The following CHODL variants were observed in gnomAD, a reference collection of about 807,000 sequenced individuals.
CHODL encodes the protein transmembrane protein MT75.
Under a neutral mutation model 34.5 loss-of-function variants are expected in CHODL, and 29 were observed. That is an observed-to-expected ratio of 0.84 (90% CI 0.63 to 1.15). The LOEUF (loss-of-function observed/expected upper bound fraction) is 1.15, where lower values mean the gene tolerates loss of function less well. Among genes scored for constraint, CHODL ranks in the 50% most tolerant of loss-of-function variants. CHODL has a pLI of 0.00. For synonymous variants in CHODL, 125 were observed against 116.1 expected (o/e 1.08, Z -0.49); for missense variants, 332 against 332.5 (o/e 1.00, Z 0.01).
At chr21:18,260,860 CCAA>C (rs926813464) in intron 4 of CHODL, among the ~76,000 whole-genome samples, 66 of 151,972 alleles carry the variant, frequency 4.3e-4, no homozygotes, top group African/African-American at 1.4e-3. Flanking sequence ...AAAAACACCA[CCAA>C]CAACAACAAA....
intron 2 of CHODL, among the ~76,000 whole-genome samples, chr21:18,225,197 T>A (rs2073920081): frequency 6.6e-6 from 1 of 152,162 alleles, no homozygotes; most frequent in Non-Finnish European, 1.5e-5. Context: ...GCCGTTATCA[T>A]GAATGTAGTA....
At chr21:17,956,702 G>A (rs2063496007) in intron 1 of CHODL, among the ~76,000 whole-genome samples, 1 of 136,066 alleles carries the variant, frequency 7.3e-6, no homozygotes, top group African/African-American at 2.5e-5. Context: ...GTTTTCATAT[G>A]GCAGAAGGGG....
At chr21:18,029,672 G>C (rs960285657) in intron 2 of CHODL, among the ~76,000 whole-genome samples, 1 of 152,036 alleles carries the variant, frequency 6.6e-6, no homozygotes, top group Non-Finnish European at 1.5e-5. Flanking sequence ...ATCTCAGGGA[G>C]GCTCCACTTC....
At chr21:18,100,160 A>G (rs1255682615) in intron 2 of CHODL, 1 of 152,200 alleles carries the variant, frequency 6.6e-6, no homozygotes, top group Non-Finnish European at 1.5e-5. Flanking sequence ...ATATTTACAT[A>G]GTTTAAATAA....
chr21:17,938,393 G>T (rs200681271), intron 1 of CHODL, among the ~76,000 whole-genome samples: 4 of 143,660 alleles, frequency 2.8e-5, no homozygotes, highest in South Asian at 4.4e-4. Flanking sequence ...CATATATATA[G>T]ATATATATAT....
At chr21:18,104,464 C>T (rs1249592757) in intron 2 of CHODL, among the ~76,000 whole-genome samples, 3 of 152,158 alleles carry the variant, frequency 2.0e-5, no homozygotes, top group African/African-American at 7.2e-5. Context: ...AAGTGTGAGT[C>T]AATTAAACCT....
chr21:17,940,826 T>C (rs79879694), intron 1 of CHODL, among the ~76,000 whole-genome samples: 1 of 152,316 alleles, frequency 6.6e-6, no homozygotes, highest in African/African-American at 2.4e-5. Flanking sequence ...TCATCCCCTC[T>C]ATGAGCACAC....
chr21:18,024,274 C>T (rs1180331761), intron 1 of CHODL, among the ~76,000 whole-genome samples: 1 of 152,142 alleles, frequency 6.6e-6, no homozygotes, highest in Non-Finnish European at 1.5e-5. Context: ...TTTGCCTATA[C>T]ACTACTGGTA....
intron 2 of CHODL, among the ~76,000 whole-genome samples, chr21:18,069,464 C>A (rs1321611268): frequency 1.3e-5 from 2 of 151,414 alleles, no homozygotes; most frequent in Non-Finnish European, 2.9e-5. Context: ...TTTTATAGTC[C>A]ATTGATTGAG....
At chr21:18,166,561 C>T (rs1313683714) in intron 2 of CHODL, among the ~76,000 whole-genome samples, 1 of 152,128 alleles carries the variant, frequency 6.6e-6, no homozygotes, top group Non-Finnish European at 1.5e-5. Flanking sequence ...AACATTTCTC[C>T]ATTAAACAAT....
intron 2 of CHODL, among the ~76,000 whole-genome samples, chr21:18,074,367 A>G (rs1246219641): frequency 6.6e-6 from 1 of 152,184 alleles, no homozygotes; most frequent in Non-Finnish European, 1.5e-5. Context: ...CACTCTAAGA[A>G]TTTCTAAATT....
At chr21:17,997,824 C>T (rs1027965429) in intron 1 of CHODL, among the ~76,000 whole-genome samples, 3 of 152,082 alleles carry the variant, frequency 2.0e-5, no homozygotes, top group South Asian at 2.1e-4. Flanking sequence ...TCCCACAACA[C>T]GTGGGAATTC....
At chr21:18,149,449 TG>T (rs72228016) in intron 2 of CHODL, among the ~76,000 whole-genome samples, 71 of 152,188 alleles carry the variant, frequency 4.7e-4, no homozygotes, top group African/African-American at 1.7e-3. Flanking sequence ...ACAAGAAATT[TG>T]GGGGGGTTCT....
At chr21:18,014,954 A>G (rs1264519922) in intron 1 of CHODL, among the ~76,000 whole-genome samples, 1 of 152,238 alleles carries the variant, frequency 6.6e-6, no homozygotes, top group South Asian at 2.1e-4. Flanking sequence ...TATGGAAACA[A>G]CTTTGGAACT....
chr21:18,247,578 G>A (rs1225720159), intron 1 of CHODL, among the ~76,000 whole-genome samples: 7 of 151,856 alleles, frequency 4.6e-5, no homozygotes, highest in Non-Finnish European at 7.4e-5. Flanking sequence ...AAACAACTTC[G>A]TCATCGTAAT....
At chr21:18,164,855 T>G (rs1042726958) in intron 2 of CHODL, among the ~76,000 whole-genome samples, 1 of 152,206 alleles carries the variant, frequency 6.6e-6, no homozygotes, top group Non-Finnish European at 1.5e-5. Context: ...GCTTCCGCTA[T>G]CCAGCCAGCT....
chr21:18,031,614 A>G (rs2064249069), intron 2 of CHODL, among the ~76,000 whole-genome samples: 1 of 152,086 alleles, frequency 6.6e-6, no homozygotes, highest in Non-Finnish European at 1.5e-5. Context: ...AGATCAGCAT[A>G]CTATTAAATG....
intron 2 of CHODL, among the ~76,000 whole-genome samples, chr21:18,125,313 T>C (rs2065528732): frequency 1.3e-5 from 2 of 152,354 alleles, no homozygotes; most frequent in South Asian, 4.1e-4. Flanking sequence ...TCTGCTAACA[T>C]GTGCTAGCTA....
intron 2 of CHODL, among the ~76,000 whole-genome samples, chr21:18,031,545 G>A (rs2146440315): frequency 6.6e-6 from 1 of 151,994 alleles, no homozygotes; most frequent in East Asian, 1.9e-4. Flanking sequence ...TTTTTTTGGG[G>A]GGGAGAAAAA....
Sources: allele counts gnomAD v4.1 joint callset (sites outside exome capture counted in the v4.1 genomes callset), GRCh38; gene constraint gnomAD v4.1.1; transcripts MANE v1.5; gene names NCBI Gene and HGNC (gene_info 2026-07-23, HGNC 2026-07-21).